ADAM32: variants seen among roughly 807,000 people sequenced by gnomAD.
The protein encoded by ADAM32 is ADAM metallopeptidase domain 32, also known as disintegrin and metalloproteinase domain-containing protein 32.
A neutral mutation model predicts 114.9 loss-of-function variants in ADAM32; 89 were observed. That is an observed-to-expected ratio of 0.77 (90% confidence interval 0.65 to 0.92). ADAM32 has a LOEUF of 0.92. Ranked by LOEUF, ADAM32 falls within the 40% of genes least tolerant of loss-of-function variation. ADAM32 has a pLI of 0.00. For synonymous variants in ADAM32, 285 were observed against 307.5 expected, an observed-to-expected ratio of 0.93 and a Z score of 0.77; for missense variants, 870 against 932.8, an observed-to-expected ratio of 0.93 and a Z score of 0.88.
At chr8:39,257,708 C>T (rs2129450694) in intron 19 of ADAM32, among the ~76,000 whole-genome samples, 1 of 152,196 alleles carries the variant, frequency 6.6e-6, no homozygotes, top group East Asian at 1.9e-4. Context: ...TTTTAATTCA[C>T]ATTGCTGGCT....
intron 1 of ADAM32, 167 bp downstream of exon 1, chr8:39,108,000 A>AGGGCCCAGCACCAGGGCTCACGCCT: frequency 1.1e-6 from 1 of 909,262 alleles, no homozygotes; most frequent in Non-Finnish European, 1.6e-6. Context: ...GAAGCGACTC[A>AGGGCCCAGCACCAGGGCTCACGCCT]GGGCCCAGCA....
At chr8:39,250,563 G>A (rs1811224043) in intron 17 of ADAM32, among the ~76,000 whole-genome samples, 2 of 151,454 alleles carry the variant, frequency 1.3e-5, no homozygotes, top group South Asian at 4.2e-4. Flanking sequence ...TTTTTTATTG[G>A]CAATAGTTGT....
intron 22 of ADAM32, among the ~76,000 whole-genome samples, chr8:39,279,391 T>A (rs977978373): frequency 4.6e-5 from 7 of 152,160 alleles, no homozygotes; most frequent in Non-Finnish European, 1.0e-4. Context: ...TTCAGGCAAT[T>A]CTCTGCCTCA....
chr8:39,253,117 T>C (rs868155371), intron 17 of ADAM32, among the ~76,000 whole-genome samples: 18 of 151,662 alleles, frequency 1.2e-4, no homozygotes, highest in African/African-American at 4.1e-4. Context: ...AGATGGGATT[T>C]ATTCCTGGGA....
intron 14 of ADAM32, among the ~76,000 whole-genome samples, chr8:39,226,371 G>T (rs550386732): frequency 6.6e-6 from 1 of 152,154 alleles, no homozygotes; most frequent in South Asian, 2.1e-4. Flanking sequence ...AAAGATATAA[G>T]TGTGCAGGTA....
Position 39,231,960 on chromosome 8 carries a change from T to C in ADAM32, c.1526-67T>C, listed in dbSNP as rs190565051. 41 of 1,236,100 alleles carry C rather than the reference T, an allele frequency of 3.3e-5. No homozygotes were observed. In the South Asian group the frequency reaches 4.4e-4, roughly 13 times the overall value. The allele number at this position is 1,236,100 out of a possible 1,614,324, so 76.6% of individuals were successfully genotyped here. A position where few individuals can be genotyped will look rare whatever the true frequency, so the allele number is the denominator to read the frequency against. ...ATGGAGAGATAAAGGGAATATTATA[T>C]GAAGAAATGGAGGAAGATGAAAAAC... On this transcript the variant is annotated intron_variant, in intron 14 of 24. Coordinates refer to ENST00000379907, the MANE Select transcript of ADAM32 (RefSeq NM_145004.7).
At chr8:39,116,372 G>C (rs1298585008) in intron 1 of ADAM32, among the ~76,000 whole-genome samples, 1 of 152,128 alleles carries the variant, frequency 6.6e-6, no homozygotes, top group Admixed American at 6.5e-5. Context: ...CCATGAGTAT[G>C]GAATGTTTTT....
At chr8:39,134,404 T>C (rs1286459151) in intron 2 of ADAM32, among the ~76,000 whole-genome samples, 1 of 152,020 alleles carries the variant, frequency 6.6e-6, no homozygotes, top group African/African-American at 2.4e-5. Flanking sequence ...GTGGAAGATC[T>C]CTTGCTTGCT....
chr8:39,160,191 G>A (rs1804410375), intron 6 of ADAM32, among the ~76,000 whole-genome samples: 1 of 152,114 alleles, frequency 6.6e-6, no homozygotes, highest in South Asian at 2.1e-4. Context: ...GATTGAGAGA[G>A]AGGAAAAATG....
intron 3 of ADAM32, among the ~76,000 whole-genome samples, chr8:39,146,314 C>T (rs1330586731): frequency 6.6e-6 from 1 of 151,976 alleles, no homozygotes; most frequent in Non-Finnish European, 1.5e-5. Context: ...TCTTCCACTT[C>T]ATTATCAAAG....
chr8:39,115,325 C>G (rs1176288665), intron 1 of ADAM32, among the ~76,000 whole-genome samples: 1 of 152,114 alleles, frequency 6.6e-6, no homozygotes, highest in East Asian at 1.9e-4. Context: ...CTTTTAGGTT[C>G]CTTGAGAAAT....
At chr8:39,122,108 A>G (rs1434624252) in intron 2 of ADAM32, among the ~76,000 whole-genome samples, 3 of 152,192 alleles carry the variant, frequency 2.0e-5, no homozygotes, top group Non-Finnish European at 2.9e-5. Context: ...AGGATGAGTC[A>G]TAACTTGTAT....
chr8:39,148,184 A>G (rs1160615945), intron 4 of ADAM32, among the ~76,000 whole-genome samples: 1 of 152,192 alleles, frequency 6.6e-6, no homozygotes, highest in Non-Finnish European at 1.5e-5. Flanking sequence ...CACCACTTAC[A>G]GAGTGAAAGC....
At chr8:39,192,606 T>G (rs1433540747) in intron 11 of ADAM32, among the ~76,000 whole-genome samples, 1 of 152,188 alleles carries the variant, frequency 6.6e-6, no homozygotes, top group Non-Finnish European at 1.5e-5. Flanking sequence ...TGCTTTATAG[T>G]GTCATTGCTC....
chr8:39,136,134 T>C (rs1012103517), intron 2 of ADAM32, among the ~76,000 whole-genome samples: 3 of 152,244 alleles, frequency 2.0e-5, no homozygotes, highest in Admixed American at 2.0e-4. Context: ...GACCTACAGA[T>C]ATTCCAACCT....
intron 23 of ADAM32, among the ~76,000 whole-genome samples, chr8:39,282,871 A>G (rs1813512292): frequency 6.6e-6 from 1 of 152,200 alleles, no homozygotes; most frequent in Admixed American, 6.5e-5. Flanking sequence ...TATATTAAAT[A>G]AGAATGTTTC....
At chr8:39,129,947 C>T (rs982062700) in intron 2 of ADAM32, 19 of 321,190 alleles carry the variant, frequency 5.9e-5, no homozygotes, top group Non-Finnish European at 1.1e-4. Context: ...AATTGTACAT[C>T]ACATTTCCTT....
At chr8:39,206,857 G>A (rs1807873167) in intron 11 of ADAM32, among the ~76,000 whole-genome samples, 1 of 152,040 alleles carries the variant, frequency 6.6e-6, no homozygotes, top group African/African-American at 2.4e-5. Context: ...TGAATCTGGT[G>A]GTTTGGTGGG....
chr8:39,177,940 A>AT (rs575042318), intron 10 of ADAM32, among the ~76,000 whole-genome samples: 236 of 143,658 alleles, frequency 1.6e-3, no homozygotes, highest in Middle Eastern at 3.6e-3. Flanking sequence ...CTGCCTTAAC[A>AT]TTTTTTTTTT....
Sources: allele counts gnomAD v4.1 joint callset (sites outside exome capture counted in the v4.1 genomes callset), GRCh38; gene constraint gnomAD v4.1.1; transcripts MANE v1.5; gene names NCBI Gene and HGNC (gene_info 2026-07-23, HGNC 2026-07-21).